STXBP5L: variants seen among roughly 807,000 people sequenced by gnomAD.
STXBP5L encodes the protein syntaxin binding protein 5L.
Under a neutral mutation model 144.5 loss-of-function variants are expected in STXBP5L, and 65 were observed. The ratio of observed to expected loss-of-function variants is 0.45; its 90% confidence interval spans 0.37 to 0.55. The LOEUF (loss-of-function observed/expected upper bound fraction) is 0.55. Ranked by LOEUF, STXBP5L falls within the 20% of genes least tolerant of loss-of-function variation. The pLI, the probability that STXBP5L is intolerant of heterozygous loss-of-function variation, is 0.00. For synonymous variants in STXBP5L, 505 were observed against 469.6 expected (o/e 1.08, Z -0.97); for missense variants, 1,298 against 1,405.5 (o/e 0.92, Z 1.22).
intron 2 of STXBP5L, among the ~76,000 whole-genome samples, chr3:120,910,282 G>A (rs994297312): frequency 6.6e-6 from 1 of 152,164 alleles, no homozygotes; most frequent in Admixed American, 6.5e-5. Context: ...CAAATGCACA[G>A]GCTTATAAGA....
intron 5 of STXBP5L, among the ~76,000 whole-genome samples, chr3:121,092,184 T>C (rs952521664): frequency 1.8e-4 from 27 of 152,280 alleles, no homozygotes; most frequent in Non-Finnish European, 3.4e-4. Flanking sequence ...CCTTGTAGTA[T>C]AGTTTGAAGT....
chr3:120,994,452 G>T (rs1053035862), intron 3 of STXBP5L, among the ~76,000 whole-genome samples: 1 of 151,910 alleles, frequency 6.6e-6, no homozygotes, highest in Non-Finnish European at 1.5e-5. Context: ...TTCATGTTAA[G>T]GTATGTTTCT....
intron 5 of STXBP5L, among the ~76,000 whole-genome samples, chr3:121,079,189 G>A: frequency 6.6e-6 from 1 of 152,354 alleles, no homozygotes; most frequent in Middle Eastern, 3.4e-3. Context: ...TGTCCAGAAA[G>A]TCTGAGCCCT....
intron 5 of STXBP5L, among the ~76,000 whole-genome samples, chr3:121,084,572 G>A (rs1334362269): frequency 1.3e-5 from 2 of 152,170 alleles, no homozygotes; most frequent in Non-Finnish European, 2.9e-5. Context: ...ATTCCATGGT[G>A]TATATGTAAC....
In STXBP5L at chr3:121,152,371, A is replaced by C; in HGVS notation, c.670-106A>C. 3.8e-6 allele frequency: 3 copies of C among 799,230 alleles called. No homozygotes were observed. The South Asian group carries it at 5.4e-5, about 14-fold the overall frequency. 49.5% of individuals were successfully genotyped at this position (799,230 alleles called of 1,614,324 possible). On this transcript the variant is annotated intron_variant, in intron 7 of 26. Transcript: ENST00000471454. ...AGTTCTAGAAAAATTTATTCTAAAT[A>C]AGGATGTTATGTGGTATGATTTTAC...
intron 22 of STXBP5L, among the ~76,000 whole-genome samples, chr3:121,404,140 T>TCACACTTTTCTACATCTC (rs1435925199): frequency 1.3e-5 from 2 of 152,094 alleles, no homozygotes; most frequent in Non-Finnish European, 2.9e-5. Flanking sequence ...GAGCTCCTGG[T>TCACACTTTTCTACATCTC]ATTCCTCTCA....
chr3:121,092,181 G>A (rs1424418100), intron 5 of STXBP5L, among the ~76,000 whole-genome samples: 1 of 152,084 alleles, frequency 6.6e-6, no homozygotes, highest in South Asian at 2.1e-4. Flanking sequence ...TAGCCTTGTA[G>A]TATAGTTTGA....
intron 3 of STXBP5L, among the ~76,000 whole-genome samples, chr3:121,015,837 G>T (rs942560812): frequency 6.6e-6 from 1 of 152,138 alleles, no homozygotes; most frequent in South Asian, 2.1e-4. Context: ...GGGGGCAAAA[G>T]GTGTTACAAC....
intron 19 of STXBP5L, among the ~76,000 whole-genome samples, chr3:121,301,387 G>A (rs561617427): frequency 6.6e-5 from 10 of 152,132 alleles, no homozygotes; most frequent in East Asian, 3.9e-4. Flanking sequence ...ATTTTTGCAC[G>A]TTGATTTTGT....
At chr3:121,005,160 G>T (rs1012680357) in intron 3 of STXBP5L, among the ~76,000 whole-genome samples, 1 of 152,092 alleles carries the variant, frequency 6.6e-6, no homozygotes, top group African/African-American at 2.4e-5. Flanking sequence ...GGTAGAATTT[G>T]GCTGTGAATC....
At position 121,058,409 on chromosome 3, in the gene STXBP5L, T is replaced by C. The variant is rs141484839; in HGVS notation, c.470+12874T>C. Among the ~76,000 whole-genome samples the C allele has an allele frequency of 1.1e-4, 17 of 152,376 alleles. No homozygotes were observed. In the East Asian group the frequency reaches 3.1e-3, roughly 28 times the overall value. ...ATTTGGGTTGGTTGCAAGTCTTTGCTACTGTGAACAGTGCTGCAAAAAGCA... is the reference window on the plus strand; with the variant it reads ...ATTTGGGTTGGTTGCAAGTCTTTGCCACTGTGAACAGTGCTGCAAAAAGCA... On this transcript the variant is annotated intron_variant, in intron 5 of 26. Coordinates refer to ENST00000471454, the MANE Select transcript of STXBP5L (RefSeq NM_001308330.2).
chr3:120,975,364 G>T (rs1281218680), intron 3 of STXBP5L, among the ~76,000 whole-genome samples: 1 of 152,150 alleles, frequency 6.6e-6, no homozygotes, highest in African/African-American at 2.4e-5. Flanking sequence ...TGGTGTATAA[G>T]AATGCTTGTG....
At chr3:121,311,874 C>T (rs571198045) in intron 19 of STXBP5L, among the ~76,000 whole-genome samples, 180 of 152,114 alleles carry the variant, frequency 1.2e-3, no homozygotes, top group African/African-American at 4.0e-3. Context: ...AAAAAGAGCC[C>T]GCATCACCAA....
intron 18 of STXBP5L, among the ~76,000 whole-genome samples, chr3:121,277,215 G>A (rs571097967): frequency 1.2e-4 from 18 of 151,952 alleles, no homozygotes; most frequent in South Asian, 2.1e-4. Context: ...TAAATTCATC[G>A]TCACATAATG....
At chr3:121,102,246 A>G (rs1325541163) in intron 5 of STXBP5L, among the ~76,000 whole-genome samples, 1 of 152,164 alleles carries the variant, frequency 6.6e-6, no homozygotes, top group African/African-American at 2.4e-5. Flanking sequence ...TAGAGCCCAA[A>G]TAGCCAAATC....
intron 19 of STXBP5L, among the ~76,000 whole-genome samples, chr3:121,317,408 G>C (rs916907398): frequency 6.6e-6 from 1 of 152,150 alleles, no homozygotes; most frequent in African/African-American, 2.4e-5. Context: ...TAAAACACAA[G>C]AGTTGGGCTA....
intron 20 of STXBP5L, among the ~76,000 whole-genome samples, chr3:121,323,834 C>T (rs1353517042): frequency 1.3e-5 from 2 of 152,102 alleles, no homozygotes; most frequent in Admixed American, 1.3e-4. Flanking sequence ...CCTAGCTTCA[C>T]TTACCTGGTA....
chr3:121,052,876 C>G (rs1475789405), intron 5 of STXBP5L, among the ~76,000 whole-genome samples: 1 of 152,178 alleles, frequency 6.6e-6, no homozygotes, highest in Non-Finnish European at 1.5e-5. Context: ...TCTCCTTAAG[C>G]TGATAAGCAA....
At chr3:120,958,313 G>A (rs907374738) in intron 3 of STXBP5L, among the ~76,000 whole-genome samples, 36 of 152,178 alleles carry the variant, frequency 2.4e-4, no homozygotes, top group African/African-American at 7.7e-4. Context: ...ATTCACAGCC[G>A]AATTCTACCA....
Sources: gnomAD v4.1 joint callset for allele counts (sites outside exome capture counted in the v4.1 genomes callset) on GRCh38, gnomAD v4.1.1 for gene constraint, MANE v1.5 for transcripts, NCBI Gene and HGNC (gene_info 2026-07-23, HGNC 2026-07-21) for gene names.